The following CEP128 variants were observed in gnomAD, a reference collection of about 807,000 sequenced individuals.
The protein encoded by CEP128 is centrosomal protein 128.
A neutral mutation model predicts 156.7 loss-of-function variants in CEP128; 132 were observed. The ratio of observed to expected loss-of-function variants is 0.84; its 90% CI spans 0.73 to 0.97. The LOEUF is 0.97. CEP128 is among the 50% of genes least tolerant of loss of function. The probability of loss-of-function intolerance (pLI) is 0.00; values close to 1 mark genes in which losing one functional copy is unlikely to be tolerated. For synonymous variants in CEP128, 469 were observed against 448.9 expected (o/e 1.04, Z -0.57); for missense variants, 1,252 against 1,281.9 (o/e 0.98, Z 0.36).
At chr14:80,720,598 A>G (rs1322607648) in intron 19 of CEP128, among the ~76,000 whole-genome samples, 1 of 152,200 alleles carries the variant, frequency 6.6e-6, no homozygotes, top group Non-Finnish European at 1.5e-5. Context: ...GAAATTATGT[A>G]ACGTAAGTCT....
At chr14:80,822,212 A>T (rs1246741981) in intron 13 of CEP128, among the ~76,000 whole-genome samples, 2 of 152,150 alleles carry the variant, frequency 1.3e-5, no homozygotes, top group Admixed American at 1.3e-4. Context: ...TCAAAAGTCC[A>T]TACTCCAAAG....
chr14:80,724,372 A>C (rs1302277852), intron 19 of CEP128, among the ~76,000 whole-genome samples: 3 of 152,048 alleles, frequency 2.0e-5, no homozygotes, highest in Non-Finnish European at 4.4e-5. Context: ...ATACTTAATA[A>C]TATAATAATA....
At chr14:80,706,693 T>C (rs754944963) in intron 19 of CEP128, among the ~76,000 whole-genome samples, 69 of 152,168 alleles carry the variant, frequency 4.5e-4, no homozygotes, top group Non-Finnish European at 8.1e-4. Context: ...TTACCAAAGT[T>C]GGAGCTTTCA....
At chr14:80,688,345 C>T (rs552960022) in intron 19 of CEP128, among the ~76,000 whole-genome samples, 1 of 152,222 alleles carries the variant, frequency 6.6e-6, no homozygotes, top group Non-Finnish European at 1.5e-5. Context: ...TAACGCTCTG[C>T]TCCCTGCTGC....
intron 4 of CEP128, among the ~76,000 whole-genome samples, chr14:80,907,658 A>AG (rs1883966607): frequency 1.1e-5 from 1 of 91,168 alleles, no homozygotes; most frequent in Non-Finnish European, 2.3e-5. Flanking sequence ...ACTCTGTTTC[A>AG]AAAAAAAAAA....
At chr14:80,818,374 A>T (rs1259749692) in intron 13 of CEP128, among the ~76,000 whole-genome samples, 1 of 152,258 alleles carries the variant, frequency 6.6e-6, no homozygotes, top group Admixed American at 6.5e-5. Context: ...TGAAATAAAG[A>T]CATGCACAGA....
intron 9 of CEP128, among the ~76,000 whole-genome samples, chr14:80,847,706 T>C (rs981639335): frequency 6.6e-6 from 1 of 152,102 alleles, no homozygotes; most frequent in African/African-American, 2.4e-5. Flanking sequence ...CATAAAGAGG[T>C]AATTATTTCC....
chr14:80,904,810 T>C lies in CEP128; in HGVS notation c.480+3A>G, dbSNP rs1171673415. ...ACACAAATTACAGAATGGTACAAAG[T>C]ACCTGAGTCATATCATCAGTCTCTT... On this transcript the variant is annotated splice_donor_region_variant and intron_variant, in intron 6 of 24. Coordinates refer to ENST00000555265, the MANE Select transcript of CEP128 (RefSeq NM_152446.5). 1.4e-6 allele frequency: 2 copies of C among 1,455,614 alleles called. No homozygotes were observed. The highest frequency in any genetic ancestry group is 1.1e-5 in the South Asian group (1 of 87,902). The allele number at this position is 1,455,614 out of a possible 1,614,324, so 90.2% of individuals were successfully genotyped here. A position where few individuals can be genotyped will look rare whatever the true frequency, so the allele number is the denominator to read the frequency against.
chr14:80,668,909 A>T (rs1895733631), intron 19 of CEP128, among the ~76,000 whole-genome samples: 1 of 152,170 alleles, frequency 6.6e-6, no homozygotes, highest in Non-Finnish European at 1.5e-5. Flanking sequence ...CCCCTGCACA[A>T]GCTCTCTTGC....
chr14:80,704,886 C>T (rs1035520461), intron 19 of CEP128, among the ~76,000 whole-genome samples: 1 of 151,858 alleles, frequency 6.6e-6, no homozygotes, highest in African/African-American at 2.4e-5. Context: ...CAGAGTAGAT[C>T]AGTTTAATGA....
At chr14:80,922,040 A>G (rs1884897465) in intron 2 of CEP128, among the ~76,000 whole-genome samples, 1 of 152,200 alleles carries the variant, frequency 6.6e-6, no homozygotes, top group Non-Finnish European at 1.5e-5. Context: ...AATGGAGTAT[A>G]ATCAGAAAGA....
Position 80,881,015 on chromosome 14 carries a change from T to TA in CEP128, c.645+14702dup, listed in dbSNP as rs985795698. On this transcript the variant is annotated intron_variant, in intron 8 of 24. Transcript: ENST00000555265. ...AAAACAGTTCCATTTATGATAGCAT[T>TA]AAAAAAAAAACTGAAGCAAGAATAA... Among the ~76,000 whole-genome samples the TA allele has an allele frequency of 9.9e-4, 139 of 139,816 alleles. 1 individual carries two copies. The highest frequency in any genetic ancestry group is 3.7e-3 in the Middle Eastern group (1 of 270). 91.7% of individuals were successfully genotyped at this position (139,816 alleles called of 152,430 possible). A position where few individuals can be genotyped will look rare whatever the true frequency, so the allele number is the denominator to read the frequency against.
At chr14:80,887,041 A>G (rs1415488044) in intron 8 of CEP128, among the ~76,000 whole-genome samples, 2 of 152,208 alleles carry the variant, frequency 1.3e-5, no homozygotes, top group Non-Finnish European at 2.9e-5. Context: ...AGGGCATTAC[A>G]TAAAGGTAAA....
chr14:80,680,651 AC>A (rs1440482405), intron 19 of CEP128, among the ~76,000 whole-genome samples: 13 of 152,082 alleles, frequency 8.5e-5, no homozygotes, highest in African/African-American at 3.1e-4. Flanking sequence ...GTCCATACCC[AC>A]ATGTATCTCC....
chr14:80,728,991 A>G (rs543370440), intron 19 of CEP128, among the ~76,000 whole-genome samples: 6 of 151,206 alleles, frequency 4.0e-5, no homozygotes, highest in Non-Finnish European at 7.4e-5. Flanking sequence ...GGCAATCAGA[A>G]TCTCCTTTTG....
At chr14:80,816,025 C>T (rs1324248431) in intron 13 of CEP128, among the ~76,000 whole-genome samples, 2 of 143,942 alleles carry the variant, frequency 1.4e-5, no homozygotes, top group Non-Finnish European at 3.1e-5. Context: ...GATGGCAACA[C>T]AAAAAAAAAA....
intron 18 of CEP128, among the ~76,000 whole-genome samples, chr14:80,746,319 T>C (rs1473835708): frequency 6.6e-6 from 1 of 152,226 alleles, no homozygotes; most frequent in African/African-American, 2.4e-5. Context: ...GGAGGATTCA[T>C]ACTTATCCAT....
chr14:80,604,590 C>T (rs1892706813), intron 19 of CEP128, among the ~76,000 whole-genome samples: 1 of 152,128 alleles, frequency 6.6e-6, no homozygotes, highest in South Asian at 2.1e-4. Flanking sequence ...CGAATCTCAG[C>T]TTAAAACGTA....
chr14:80,858,731 G>T (rs973446456), intron 9 of CEP128, among the ~76,000 whole-genome samples: 1 of 151,664 alleles, frequency 6.6e-6, no homozygotes, highest in South Asian at 2.1e-4. Flanking sequence ...CAAAAAGTGG[G>T]CGAAGGACAT....
Sources: gnomAD v4.1 joint callset for allele counts (sites outside exome capture counted in the v4.1 genomes callset) on GRCh38, gnomAD v4.1.1 for gene constraint, MANE v1.5 for transcripts, NCBI Gene and HGNC (gene_info 2026-07-23, HGNC 2026-07-21) for gene names.